Variants in PCGF5 observed in about 807,000 individuals in gnomAD.
The protein encoded by PCGF5 is polycomb group ring finger 5, also known as polycomb group RING finger protein 5.
PCGF5 carries 9 observed loss-of-function variants against 44.3 expected under a neutral mutation model. The observed-to-expected ratio is 0.20, with a 90% confidence interval of 0.12 to 0.35. The LOEUF (loss-of-function observed/expected upper bound fraction) is 0.35. Among genes scored for constraint, PCGF5 ranks in the 10% least tolerant of loss-of-function variants. The pLI is 1.00. For missense variants in PCGF5, 146 were observed against 305.3 expected (o/e 0.48, Z 3.89); for synonymous variants, 95 against 102.5 (o/e 0.93, Z 0.44).
intron 1 of PCGF5, among the ~76,000 whole-genome samples, chr10:91,180,324 T>C (rs114851135): frequency 0.036 from 5,440 of 152,308 alleles, 307 homozygotes; most frequent in African/African-American, 0.12. Flanking sequence ...TAGTTTCTTT[T>C]GCTGTACAGA....
rs1160626920 is a variant in PCGF5, at chr10:91,278,339, G to A, written c.*23G>A. On this transcript the variant is annotated 3_prime_UTR_variant, in exon 10 of 10. Coordinates refer to ENST00000336126, the MANE Select transcript of PCGF5 (RefSeq NM_032373.5). ...TAGACCAAGGGGCCCAGACCTCACT[G>A]AGATGAATCCTGCACTATTTGTTTA... is the stretch of plus-strand genomic sequence containing the variant. 2 of 1,598,038 alleles carry A rather than the reference G, an allele frequency of 1.3e-6. No individual in the cohort carries two copies. Among genetic ancestry groups the A allele is most frequent in the Non-Finnish European group, 1.7e-6 (2 of 1,165,462 alleles).
At chr10:91,205,256 C>T (rs990192472) in intron 1 of PCGF5, among the ~76,000 whole-genome samples, 4 of 151,228 alleles carry the variant, frequency 2.6e-5, no homozygotes, top group Non-Finnish European at 4.4e-5. Context: ...TATTATGGAA[C>T]GATTTTTCTT....
intron 9 of PCGF5, among the ~76,000 whole-genome samples, chr10:91,275,504 G>A (rs746639925): frequency 2.0e-5 from 3 of 150,848 alleles, no homozygotes; most frequent in East Asian, 1.9e-4. Flanking sequence ...GCAGTGGTGC[G>A]ATCTTGGCTC....
At chr10:91,266,758 C>T (rs1025358022) in intron 8 of PCGF5, among the ~76,000 whole-genome samples, 1 of 152,182 alleles carries the variant, frequency 6.6e-6, no homozygotes, top group Non-Finnish European at 1.5e-5. Flanking sequence ...CTGATGTCAG[C>T]ACTGATTGCT....
At chr10:91,158,535 A>G (rs1270695175), upstream of PCGF5, among the ~76,000 whole-genome samples, 1 of 152,228 alleles carries the variant, frequency 6.6e-6, no homozygotes, top group Non-Finnish European at 1.5e-5. Context: ...GCTAGGTTCT[A>G]GACATTAAAA....
At chr10:91,200,814 C>G (rs1383434154) in intron 1 of PCGF5, among the ~76,000 whole-genome samples, 1 of 151,946 alleles carries the variant, frequency 6.6e-6, no homozygotes, top group Non-Finnish European at 1.5e-5. Flanking sequence ...TTATAGAACC[C>G]AATTCATAAG....
chr10:91,158,915 A>G (rs1273107491), upstream of PCGF5, among the ~76,000 whole-genome samples: 1 of 152,236 alleles, frequency 6.6e-6, no homozygotes, highest in African/African-American at 2.4e-5. Context: ...ACAGTTGACT[A>G]TAAAATACAG....
chr10:91,225,777 C>T (rs1057185713), intron 2 of PCGF5, among the ~76,000 whole-genome samples: 1 of 151,828 alleles, frequency 6.6e-6, no homozygotes, highest in African/African-American at 2.4e-5. Flanking sequence ...GCCTCTAAGC[C>T]TCAATATAAA....
upstream of PCGF5, among the ~76,000 whole-genome samples, chr10:91,217,777 A>C (rs1264818045): frequency 1.3e-5 from 2 of 152,198 alleles, no homozygotes; most frequent in Non-Finnish European, 2.9e-5. Flanking sequence ...ACAACAACAA[A>C]AAAAGTTAAT....
intron 1 of PCGF5, among the ~76,000 whole-genome samples, chr10:91,176,579 G>C (rs1843711692): frequency 6.6e-6 from 1 of 152,078 alleles, no homozygotes; most frequent in Non-Finnish European, 1.5e-5. Context: ...TTTTCACATA[G>C]TCCCATATTT....
intron 1 of PCGF5, among the ~76,000 whole-genome samples, chr10:91,212,717 T>C (rs925899427): frequency 6.6e-6 from 1 of 152,174 alleles, no homozygotes; most frequent in Admixed American, 6.5e-5. Context: ...GGTAAGAAAA[T>C]GGAAGGCAGC....
At position 91,240,488 on chromosome 10, in the gene PCGF5, T is replaced by C. The variant is rs1845295128; in HGVS notation, c.117T>C (p.Cys39=). The C allele has an allele frequency of 6.2e-7, 1 of 1,604,304 alleles. No homozygotes were observed. The highest frequency in any genetic ancestry group is 8.5e-7 in the Non-Finnish European group (1 of 1,174,796). ...TTVTECLHTF[C]KTCIVQHFED... ...TAACATCTTCTTTCTTCTTAGTCTG[T>C]AAGACTTGTATTGTTCAGCACTTTG... is the stretch of plus-strand genomic sequence containing the variant. The change falls in exon 3 of 10, where the codon TGT becomes TGC. Residue 39 remains cysteine, a synonymous_variant. Coordinates refer to ENST00000336126, the MANE Select transcript of PCGF5 (RefSeq NM_032373.5).
In PCGF5 at chr10:91,283,967, A is replaced by G. The variant is rs556039919; in HGVS notation, c.*5651A>G. 1 of 152,784 alleles carries G rather than the reference A, an allele frequency of 6.5e-6. No homozygotes were observed. Among genetic ancestry groups the G allele is most frequent in the East Asian group, 1.9e-4 (1 of 5,194 alleles). 9.5% of individuals were successfully genotyped at this position (152,784 alleles called of 1,614,324 possible). A position where few individuals can be genotyped will look rare whatever the true frequency, so the allele number is the denominator to read the frequency against. On this transcript the variant is annotated 3_prime_UTR_variant, in exon 10 of 10. Transcript: ENST00000336126. Reference sequence around the variant, plus strand: ...TGAAAGAATTACCAGGTCATTGTTAATGACTTAGTCTATTAAGAATATATG... The same window carrying G: ...TGAAAGAATTACCAGGTCATTGTTAGTGACTTAGTCTATTAAGAATATATG...
chr10:91,195,029 C>G (rs1031053235), intron 1 of PCGF5, among the ~76,000 whole-genome samples: 2 of 151,912 alleles, frequency 1.3e-5, no homozygotes, highest in African/African-American at 4.8e-5. Context: ...TGTGAGTTCT[C>G]TTCTGATGAC....
At chr10:91,222,485 T>C (rs1287114784) in intron 1 of PCGF5, among the ~76,000 whole-genome samples, 2 of 152,166 alleles carry the variant, frequency 1.3e-5, no homozygotes, top group Non-Finnish European at 2.9e-5. Context: ...GAGGTGGTAG[T>C]TGAGGTTCCA....
intron 3 of PCGF5, among the ~76,000 whole-genome samples, chr10:91,245,241 G>A (rs939788587): frequency 2.0e-5 from 3 of 152,128 alleles, no homozygotes; most frequent in East Asian, 1.9e-4. Flanking sequence ...CAAAGGAGAC[G>A]GAGTGATCCA....
At chr10:91,177,555 C>T (rs569667116) in intron 1 of PCGF5, among the ~76,000 whole-genome samples, 2 of 152,312 alleles carry the variant, frequency 1.3e-5, no homozygotes, top group South Asian at 4.1e-4. Flanking sequence ...GGGCTCCACC[C>T]AGTTCGAGCT....
intron 1 of PCGF5, among the ~76,000 whole-genome samples, chr10:91,191,326 A>G (rs1844030264): frequency 6.6e-6 from 1 of 152,208 alleles, no homozygotes; most frequent in Non-Finnish European, 1.5e-5. Flanking sequence ...TGAGATGGCT[A>G]CTGAGTGACT....
At chr10:91,266,935 A>G (rs373197080) in intron 8 of PCGF5, among the ~76,000 whole-genome samples, 34 of 152,078 alleles carry the variant, frequency 2.2e-4, no homozygotes, top group African/African-American at 4.8e-4. Context: ...TCCCACCTCT[A>G]TCTTCACCTC....
Sources: gnomAD v4.1 joint callset for allele counts (sites outside exome capture counted in the v4.1 genomes callset) on GRCh38, gnomAD v4.1.1 for gene constraint, MANE v1.5 for transcripts, NCBI Gene and HGNC (gene_info 2026-07-23, HGNC 2026-07-21) for gene names.